SEL1L3: variants seen among roughly 807,000 people sequenced by gnomAD.
SEL1L3 encodes SEL1L family member 3.
In SEL1L3, 76 loss-of-function variants were observed where a neutral mutation model predicts 142.8. The ratio of observed to expected loss-of-function variants is 0.53; its 90% CI spans 0.44 to 0.64. SEL1L3 has a LOEUF of 0.64. SEL1L3 is among the 30% of genes least tolerant of loss of function. SEL1L3 has a pLI of 0.00. For missense variants in SEL1L3, 1,262 were observed against 1,381.7 expected, an observed-to-expected ratio of 0.91 and a Z score of 1.37; for synonymous variants, 504 against 519.6, an observed-to-expected ratio of 0.97 and a Z score of 0.41.
intron 9 of SEL1L3, among the ~76,000 whole-genome samples, chr4:25,806,792 C>T (rs1022381715): frequency 1.3e-5 from 2 of 151,772 alleles, no homozygotes; most frequent in Non-Finnish European, 1.5e-5. Context: ...CTTTACTGAA[C>T]GAATGGAGTT....
intron 9 of SEL1L3, among the ~76,000 whole-genome samples, chr4:25,807,712 G>C (rs1577636187): frequency 6.6e-6 from 1 of 152,208 alleles, no homozygotes; most frequent in East Asian, 1.9e-4. Context: ...AGCTTCAAAT[G>C]AAACACTTGT....
chr4:25,729,622 G>C, the SEL1L3 span, among the ~76,000 whole-genome samples: 1 of 152,192 alleles, frequency 6.6e-6, no homozygotes, highest in Non-Finnish European at 1.5e-5. Flanking sequence ...GCTGAGGCAG[G>C]AGAATCGCTG....
intron 6 of SEL1L3, among the ~76,000 whole-genome samples, chr4:25,829,649 C>A (rs1348177325): frequency 6.6e-6 from 1 of 152,150 alleles, no homozygotes; most frequent in Non-Finnish European, 1.5e-5. Context: ...AAAAGTGACA[C>A]CAATATCAAT....
intron 19 of SEL1L3, among the ~76,000 whole-genome samples, chr4:25,766,597 GA>G (rs1718754689): frequency 6.6e-6 from 1 of 152,164 alleles, no homozygotes; most frequent in South Asian, 2.1e-4. Context: ...AGGCAGCCCA[GA>G]GATCAGCAGT....
chr4:25,853,633 C>T lies in SEL1L3; in HGVS notation c.163-5769G>A, dbSNP rs1005654645. On this transcript the variant is annotated intron_variant, in intron 1 of 23. Coordinates refer to ENST00000399878, the MANE Select transcript of SEL1L3 (RefSeq NM_015187.5). ...TGGATACACTGAGTTAAATAAAATA[C>T]ATTAATATTCATTATGCCTGCTCTT... is the stretch of plus-strand genomic sequence containing the variant. Among the ~76,000 whole-genome samples the T allele has an allele frequency of 1.5e-4, 22 of 144,672 alleles. No individual in the cohort carries two copies. The East Asian group carries it at 3.3e-3, about 22-fold the overall frequency. The allele number at this position is 144,672 out of a possible 152,430, so 94.9% of individuals were successfully genotyped here. A position where few individuals can be genotyped will look rare whatever the true frequency, so the allele number is the denominator to read the frequency against.
chr4:25,807,078 G>C (rs1713636370), intron 9 of SEL1L3, among the ~76,000 whole-genome samples: 1 of 152,128 alleles, frequency 6.6e-6, no homozygotes, highest in Non-Finnish European at 1.5e-5. Context: ...CCATTGTAGA[G>C]TCTGACTCTC....
At chr4:25,782,971 G>C (rs1711534905) in intron 14 of SEL1L3, among the ~76,000 whole-genome samples, 1 of 152,218 alleles carries the variant, frequency 6.6e-6, no homozygotes, top group East Asian at 1.9e-4. Flanking sequence ...AGCAGAAGGG[G>C]ATGGCAGCGA....
the SEL1L3 span, among the ~76,000 whole-genome samples, chr4:25,730,535 G>A: frequency 6.6e-6 from 1 of 152,084 alleles, no homozygotes; most frequent in African/African-American, 2.4e-5. Flanking sequence ...GTAAGTAGAT[G>A]TAAGGGTAGA....
intron 23 of SEL1L3, among the ~76,000 whole-genome samples, chr4:25,755,076 C>CT (rs1013430683): frequency 5.3e-5 from 8 of 151,008 alleles, no homozygotes; most frequent in African/African-American, 9.7e-5. Context: ...TATTCTTAAT[C>CT]TTTTTTTTTA....
the SEL1L3 span, among the ~76,000 whole-genome samples, chr4:25,723,273 A>G: frequency 6.6e-6 from 1 of 152,194 alleles, no homozygotes; most frequent in African/African-American, 2.4e-5. Flanking sequence ...TGCCTTTTGA[A>G]AAGTAAGTTG....
At chr4:25,792,238 C>T (rs1340590027) in intron 11 of SEL1L3, among the ~76,000 whole-genome samples, 3 of 152,092 alleles carry the variant, frequency 2.0e-5, no homozygotes, top group Non-Finnish European at 4.4e-5. Flanking sequence ...CATAACAAAG[C>T]TTCGATCCAG....
intron 2 of SEL1L3, among the ~76,000 whole-genome samples, chr4:25,843,129 G>T (rs60195327): frequency 3.3e-5 from 5 of 152,128 alleles, no homozygotes; most frequent in Admixed American, 3.3e-4. Flanking sequence ...AAGGGTGTGC[G>T]TGGTGGGACA....
At chr4:25,806,284 G>A (rs1184997372) in intron 9 of SEL1L3, among the ~76,000 whole-genome samples, 4 of 151,478 alleles carry the variant, frequency 2.6e-5, no homozygotes, top group African/African-American at 9.7e-5. Context: ...TGATCCGCCC[G>A]CCTAGGCCTC....
chr4:25,831,632 T>A (rs1715454831), intron 5 of SEL1L3, among the ~76,000 whole-genome samples: 1 of 151,316 alleles, frequency 6.6e-6, no homozygotes, highest in South Asian at 2.1e-4. Flanking sequence ...TTCAAGCGAG[T>A]CTCCTGCCTC....
the SEL1L3 span, among the ~76,000 whole-genome samples, chr4:25,724,970 G>A: frequency 6.6e-6 from 1 of 152,008 alleles, no homozygotes; most frequent in South Asian, 2.1e-4. Flanking sequence ...GCATGTCTGT[G>A]CATGAGTCCC....
the SEL1L3 span, among the ~76,000 whole-genome samples, chr4:25,722,957 T>C: frequency 6.6e-6 from 1 of 151,012 alleles, no homozygotes; most frequent in Admixed American, 6.6e-5. Flanking sequence ...GGAGAAGGGG[T>C]TAATGAACCA....
the SEL1L3 span, chr4:25,719,995 G>A: frequency 6.6e-6 from 1 of 152,170 alleles, no homozygotes; most frequent in South Asian, 2.1e-4. Context: ...GTGATATGGT[G>A]TATGCTAATA....
At chr4:25,768,986 G>C (rs184521069) in intron 17 of SEL1L3, among the ~76,000 whole-genome samples, 6 of 150,108 alleles carry the variant, frequency 4.0e-5, no homozygotes, top group African/African-American at 1.5e-4. Flanking sequence ...TGAGAATGCA[G>C]GTAATTTTTA....
intron 13 of SEL1L3, among the ~76,000 whole-genome samples, chr4:25,785,594 TAATAAAACC>T (rs1711760091): frequency 6.6e-6 from 1 of 152,292 alleles, no homozygotes; most frequent in South Asian, 2.1e-4. Flanking sequence ...CTTGCTTATT[TAATAAAACC>T]AATGAACTGA....
Sources: gnomAD v4.1 joint callset for allele counts (sites outside exome capture counted in the v4.1 genomes callset) on GRCh38, gnomAD v4.1.1 for gene constraint, MANE v1.5 for transcripts, NCBI Gene and HGNC (gene_info 2026-07-23, HGNC 2026-07-21) for gene names.